SNX29: variants seen among roughly 807,000 people sequenced by gnomAD.
SNX29 encodes sorting nexin-29.
In SNX29, 78 loss-of-function variants were observed where a neutral mutation model predicts 102.1. That is an observed-to-expected ratio of 0.76 (90% CI 0.64 to 0.92). The LOEUF is 0.92. SNX29 is among the 40% of genes least tolerant of loss of function. The pLI, the probability that SNX29 is intolerant of heterozygous loss-of-function variation, is 0.00. For missense variants in SNX29, 1,280 were observed against 1,061.7 expected, an observed-to-expected ratio of 1.21 and a Z score of -2.86; for synonymous variants, 580 against 414.5, an observed-to-expected ratio of 1.40 and a Z score of -4.85.
At chr16:12,148,881 T>C (rs2055178309) in intron 13 of SNX29, among the ~76,000 whole-genome samples, 1 of 152,062 alleles carries the variant, frequency 6.6e-6, no homozygotes, top group Non-Finnish European at 1.5e-5. Context: ...TTTGTATTTT[T>C]AGTAGAGACA....
intron 15 of SNX29, among the ~76,000 whole-genome samples, chr16:12,353,098 C>T (rs1290576444): frequency 6.6e-6 from 1 of 152,162 alleles, no homozygotes; most frequent in Non-Finnish European, 1.5e-5. Flanking sequence ...TGTCTTCTCT[C>T]CGAGTCACTC....
At chr16:12,107,237 G>T (rs1336921686) in intron 11 of SNX29, among the ~76,000 whole-genome samples, 2 of 152,038 alleles carry the variant, frequency 1.3e-5, no homozygotes, top group Non-Finnish European at 2.9e-5. Context: ...CAGCCAAGGC[G>T]CTTCAGTTAC....
intron 18 of SNX29, among the ~76,000 whole-genome samples, chr16:12,461,887 C>T (rs1215583563): frequency 5.9e-5 from 8 of 134,780 alleles, no homozygotes; most frequent in South Asian, 2.6e-4. Context: ...ACATGGGAGG[C>T]GGAGGTTGCA....
chr16:12,547,110 A>G (rs987710424), intron 20 of SNX29, among the ~76,000 whole-genome samples: 1 of 152,210 alleles, frequency 6.6e-6, no homozygotes, highest in African/African-American at 2.4e-5. Context: ...CAGTGAAAAG[A>G]CAGGAAATGA....
chr16:12,293,309 G>A (rs2151070545), intron 15 of SNX29, among the ~76,000 whole-genome samples: 1 of 152,286 alleles, frequency 6.6e-6, no homozygotes, highest in East Asian at 1.9e-4. Flanking sequence ...TGGATGCTGA[G>A]GCTCAGAAAG....
At chr16:12,397,478 A>T (rs546693184) in intron 16 of SNX29, among the ~76,000 whole-genome samples, 1 of 152,002 alleles carries the variant, frequency 6.6e-6, no homozygotes, top group Non-Finnish European at 1.5e-5. Context: ...CTTGCTGGGG[A>T]TTGTGGGGAG....
At chr16:12,319,522 C>T (rs1292678904) in intron 15 of SNX29, among the ~76,000 whole-genome samples, 5 of 152,148 alleles carry the variant, frequency 3.3e-5, no homozygotes, top group Non-Finnish European at 5.9e-5. Flanking sequence ...TCTTCAGAGA[C>T]ACTCATATAA....
intron 15 of SNX29, among the ~76,000 whole-genome samples, chr16:12,337,022 C>T (rs934811339): frequency 2.0e-5 from 3 of 152,184 alleles, no homozygotes; most frequent in African/African-American, 7.2e-5. Flanking sequence ...CATTGAGCAC[C>T]AGAGTTGGCC....
intron 15 of SNX29, among the ~76,000 whole-genome samples, chr16:12,344,103 G>A (rs984325163): frequency 2.0e-5 from 3 of 152,190 alleles, no homozygotes; most frequent in Middle Eastern, 3.4e-3. Flanking sequence ...CTTGTCTGCC[G>A]CCATATAAGA....
intron 16 of SNX29, among the ~76,000 whole-genome samples, chr16:12,357,794 A>ATC (rs958082886): frequency 2.0e-5 from 3 of 151,814 alleles, no homozygotes; most frequent in African/African-American, 7.3e-5. Flanking sequence ...GTCTTCTCTC[A>ATC]TCTCTCTCTC....
At chr16:12,110,777 G>A (rs2053471090) in intron 11 of SNX29, among the ~76,000 whole-genome samples, 1 of 152,022 alleles carries the variant, frequency 6.6e-6, no homozygotes, top group African/African-American at 2.4e-5. Flanking sequence ...CAGTGTGGTG[G>A]CCTGAGGAAA....
intron 11 of SNX29, among the ~76,000 whole-genome samples, chr16:12,095,866 A>AG (rs1185176807): frequency 6.6e-6 from 1 of 152,180 alleles, no homozygotes; most frequent in Admixed American, 6.5e-5. Flanking sequence ...GGCTGTGTTG[A>AG]GGGGGTCCTT....
Position 12,521,214 on chromosome 16 carries a change from G to C in SNX29, c.2179-3488G>C, listed in dbSNP as rs565086603. Among the ~76,000 whole-genome samples the C allele has an allele frequency of 9.1e-4, 139 of 152,074 alleles. 1 individual carries two copies. Among genetic ancestry groups the C allele is most frequent in the African/African-American group, 3.1e-3 (128 of 41,508 alleles). ...AAAAACAAAAACAAATAAAACACTC[G>C]TTCATGTAACCAGAAATCACCTGTA... On this transcript the variant is annotated intron_variant, in intron 19 of 20. Transcript: ENST00000566228.
chr16:12,069,130 CA>C lies in SNX29; in HGVS notation c.1318del (p.Ser440ValfsTer13). The C allele has an allele frequency of 6.2e-7, 1 of 1,612,986 alleles. No individual in the cohort carries two copies. The highest frequency in any genetic ancestry group is 1.7e-5 in the Admixed American group (1 of 59,894). On this transcript the variant is annotated frameshift_variant and splice_region_variant, in exon 10 of 21. Coordinates refer to ENST00000566228, the MANE Select transcript of SNX29 (RefSeq NM_032167.5). LOFTEE classifies it high-confidence loss of function. ...HVLPDPGLRY[S>X]VEASSPGHGS... ...TTCTCCCAGATCCTGGACTTCGGTACAGGTTAATATTGAGAAACCCAGTTGC... is the reference window on the plus strand; with the variant it reads ...TTCTCCCAGATCCTGGACTTCGGTACGGTTAATATTGAGAAACCCAGTTGC...
rs1183376220 is a variant in SNX29, at chr16:12,570,075, G to T, written c.*1446G>T. ...GACATCTCTGGAGAATCATCTGGAA[G>T]GTTTATACTGTGCCTTCCCCTCGTA... On this transcript the variant is annotated 3_prime_UTR_variant, in exon 21 of 21. Transcript: ENST00000566228. 2 of 721,370 alleles carry T rather than the reference G, an allele frequency of 2.8e-6. No individual in the cohort carries two copies. The highest frequency in any genetic ancestry group is 1.8e-6 in the Non-Finnish European group (1 of 565,748). 44.7% of individuals were successfully genotyped at this position (721,370 alleles called of 1,614,324 possible).
intron 4 of SNX29, among the ~76,000 whole-genome samples, chr16:12,037,558 G>T (rs935365801): frequency 1.3e-5 from 2 of 152,230 alleles, no homozygotes; most frequent in African/African-American, 4.8e-5. Context: ...GCCTGCCCTG[G>T]GTTAGCTGTC....
intron 4 of SNX29, among the ~76,000 whole-genome samples, chr16:12,038,126 A>C (rs891052191): frequency 5.3e-5 from 8 of 152,216 alleles, no homozygotes; most frequent in African/African-American, 1.9e-4. Context: ...TATTCACTGC[A>C]TTTATTGGAT....
At chr16:11,984,119 A>G (rs939184095) in intron 1 of SNX29, among the ~76,000 whole-genome samples, 1 of 152,126 alleles carries the variant, frequency 6.6e-6, no homozygotes, top group South Asian at 2.1e-4. Context: ...TTAGGAGGCT[A>G]AGGTGGGAGG....
chr16:12,568,831 G>A lies in SNX29; in HGVS notation c.*202G>A, dbSNP rs142424869. 1.8e-4 allele frequency: 136 copies of A among 776,568 alleles called. 1 individual carries two copies. In the African/African-American group the frequency reaches 2.0e-3, roughly 12 times the overall value. 48.1% of individuals were successfully genotyped at this position (776,568 alleles called of 1,614,324 possible). On this transcript the variant is annotated 3_prime_UTR_variant, in exon 21 of 21. Coordinates refer to ENST00000566228, the MANE Select transcript of SNX29 (RefSeq NM_032167.5). ...TGATACCGTGACCCGAGAGACCAAG[G>A]CAGCACCTCGCTGGAGAGACTGGGA...
Sources: gnomAD v4.1 joint callset for allele counts (sites outside exome capture counted in the v4.1 genomes callset) on GRCh38, gnomAD v4.1.1 for gene constraint, MANE v1.5 for transcripts, NCBI Gene and HGNC (gene_info 2026-07-23, HGNC 2026-07-21) for gene names.